NOP56: variants seen among roughly 807,000 people sequenced by gnomAD.
The protein encoded by NOP56 is NOP56 ribonucleoprotein.
A neutral mutation model predicts 58.3 loss-of-function variants in NOP56; 31 were observed. The ratio of observed to expected loss-of-function variants is 0.53; its 90% CI spans 0.40 to 0.72. The LOEUF (loss-of-function observed/expected upper bound fraction) is 0.72, where lower values mean the gene tolerates loss of function less well. Ranked by LOEUF, NOP56 falls within the 30% of genes least tolerant of loss-of-function variation. The pLI, the probability that NOP56 is intolerant of heterozygous loss-of-function variation, is 0.00. For missense variants in NOP56, 669 were observed against 739.9 expected (o/e 0.90, Z 1.11); for synonymous variants, 313 against 282.8 (o/e 1.11, Z -1.07).
At chr20:2,657,596 A>C in intron 11 of NOP56, 1 of 502,990 alleles carries the variant, frequency 2.0e-6, no homozygotes, top group South Asian at 2.3e-5. Flanking sequence ...AGCTACAATC[A>C]TTCTCCCTGA....
chr20:2,654,621 G>T (rs1356086104), intron 4 of NOP56, 46 bp downstream of exon 4: 10 of 1,609,332 alleles, frequency 6.2e-6, no homozygotes, highest in South Asian at 1.1e-5. Flanking sequence ...GACATTTTGG[G>T]GGAGGAGGTT....
chr20:2,657,685 C>T, intron 11 of NOP56: 1 of 524,808 alleles, frequency 1.9e-6, no homozygotes, highest in Non-Finnish European at 3.3e-6. Context: ...TCTGTTGCGA[C>T]CAGCATGGTG....
intron 2 of NOP56, 81 bp from the exon 3 acceptor site, chr20:2,653,198 C>T (rs2086773243): frequency 1.3e-5 from 15 of 1,185,602 alleles, no homozygotes; most frequent in East Asian, 2.3e-5. Context: ...TAAGAGCTTC[C>T]AAGGCTGAGA....
chr20:2,657,918 C>T lies in NOP56; in HGVS notation c.1420-11C>T. ...TGTTCTCACAGCCTGTTCCCCTGTC[C>T]TTCCCTTTAGGAGATGAGTGAAAAA... is the stretch of plus-strand genomic sequence containing the variant. On this transcript the variant is annotated splice_polypyrimidine_tract_variant and intron_variant, in intron 11 of 11. Transcript: ENST00000329276. 1 of 1,568,276 alleles carries T rather than the reference C, an allele frequency of 6.4e-7. No individual in the cohort carries two copies. The highest frequency in any genetic ancestry group is 8.6e-7 in the Non-Finnish European group (1 of 1,158,166).
At chr20:2,654,634 G>A in intron 4 of NOP56, 59 bp downstream of exon 4, 2 of 1,608,330 alleles carry the variant, frequency 1.2e-6, no homozygotes, top group Non-Finnish European at 1.7e-6. Flanking sequence ...AGGAGGTTCT[G>A]GAAACTTGGT....
chr20:2,652,671 G>C lies in NOP56; in HGVS notation c.3+8G>C. 3 of 1,453,996 alleles carry C rather than the reference G, an allele frequency of 2.1e-6. No homozygotes were observed. The highest frequency in any genetic ancestry group is 2.7e-6 in the Non-Finnish European group (3 of 1,111,484). 90.1% of individuals were successfully genotyped at this position (1,453,996 alleles called of 1,614,324 possible). A position where few individuals can be genotyped will look rare whatever the true frequency, so the allele number is the denominator to read the frequency against. ...CCGGGAGCTGGCGCCATGGTGAGGA[G>C]TGGTTGCGGGGCGCGGGCGACGCGA... is the stretch of plus-strand genomic sequence containing the variant. On this transcript the variant is annotated splice_region_variant and intron_variant, in intron 1 of 11. Coordinates refer to ENST00000329276, the MANE Select transcript of NOP56 (RefSeq NM_006392.4).
In NOP56 at chr20:2,654,786, G is replaced by A; in HGVS notation, c.408G>A (p.Leu136=). The A allele has an allele frequency of 6.2e-7, 1 of 1,614,070 alleles. No individual in the cohort carries two copies. Among genetic ancestry groups the A allele is most frequent in the Non-Finnish European group, 8.5e-7 (1 of 1,180,044 alleles). Residue 136 remains leucine (L), a synonymous_variant, in exon 5 of 12, where the codon CTG becomes CTA. Coordinates refer to ENST00000329276, the MANE Select transcript of NOP56 (RefSeq NM_006392.4). ...ACTTCCACAATCTGGTGAAGGGTCT[G>A]ACCGATCTGTCAGCTTGTAAAGCAC... is the stretch of plus-strand genomic sequence containing the variant. ...RLHFHNLVKG[L]TDLSACKAQL...
At chr20:2,657,017 G>A in intron 10 of NOP56, 64 bp from the exon 11 acceptor site, 1 of 1,614,014 alleles carries the variant, frequency 6.2e-7, no homozygotes, top group Non-Finnish European at 8.5e-7. Context: ...ATCCAATAAA[G>A]CCAGAAAGGA....
At chr20:2,654,195 C>T (rs780053160) in intron 3 of NOP56, 3 of 745,884 alleles carry the variant, frequency 4.0e-6, no homozygotes, top group East Asian at 5.1e-5. Context: ...CAGTTGTTCC[C>T]ATGGCTGGGC....
chr20:2,655,612 A>G lies in NOP56; in HGVS notation c.775A>G (p.Ile259Val), dbSNP rs1168137565. The G allele has an allele frequency of 6.2e-7, 1 of 1,614,076 alleles. No homozygotes were observed. Among genetic ancestry groups the G allele is most frequent in the African/African-American group, 1.3e-5 (1 of 74,916 alleles). ...RSSMGMDISA[I>V]DLINIESFSS... ...TTTCCTAGGCATGGACATATCTGCC[A>G]TTGACTTGATAAACATCGAGAGCTT... Residue 259 changes from isoleucine to valine, a missense_variant, in exon 7 of 12, where the codon ATT becomes GTT. Ile to Val is a conservative substitution (Grantham distance 29, BLOSUM62 3). This residue lies in a region of NOP56 where 339 missense variants were observed against 430.5 expected (regional missense o/e 0.79). Transcript: ENST00000329276.
chr20:2,653,869 A>G (rs970622398), intron 3 of NOP56: 9 of 298,398 alleles, frequency 3.0e-5, no homozygotes, highest in Non-Finnish European at 6.0e-5. Flanking sequence ...TGGCCAGGCT[A>G]GTCTCCATCT....
rs781282696 is a variant in NOP56, at chr20:2,656,424, C to T, written c.1034C>T (p.Thr345Ile). 8.1e-6 allele frequency: 13 copies of T among 1,614,026 alleles called. No individual in the cohort carries two copies. Among genetic ancestry groups the T allele is most frequent in the Admixed American group, 1.7e-5 (1 of 60,000 alleles). ...LFRALKTRGN[T>I]PKYGLIFHST... Reference sequence around the variant, plus strand: ...AGAGCCCTGAAGACAAGGGGTAACACTCCAAAATATGGACTCATTTTCCAC... The same window carrying T: ...AGAGCCCTGAAGACAAGGGGTAACATTCCAAAATATGGACTCATTTTCCAC... The change falls in exon 9 of 12, where the codon ACT becomes ATT. Residue 345 changes from threonine (T) to isoleucine (I), a missense_variant. Physicochemically the swap from Thr to Ile is moderately conservative, Grantham distance 89. Transcript: ENST00000329276.
intron 11 of NOP56, 126 bp from the exon 12 acceptor site, chr20:2,657,803 A>G: frequency 1.8e-6 from 2 of 1,082,192 alleles, no homozygotes; most frequent in Non-Finnish European, 2.6e-6. Context: ...TTATACCCAC[A>G]CAATTAAACT....
rs533605872 is a variant in NOP56 at position 2,653,441 on chromosome 20, G to GTATCC, written c.208+50_208+54dup. On this transcript the variant is annotated intron_variant, in intron 3 of 11. Transcript: ENST00000329276. The stretch of plus-strand genomic sequence containing the variant: ...TCACAGAGAGATGTGGTTCCTTTCG[G>GTATCC]TATCCTCTCGGGCAGCTTGTGATAG... 7.9e-4 allele frequency: 1,177 copies of GTATCC among 1,492,414 alleles called. 4 individuals carry two copies. The African/African-American group carries it at 0.015, about 18-fold the overall frequency. 92.4% of individuals were successfully genotyped at this position (1,492,414 alleles called of 1,614,324 possible).
Position 2,656,451 on chromosome 20 carries a change from C to A in NOP56, c.1061C>A (p.Ser354Tyr). ...NTPKYGLIFHSTFIGRAAAKN... is the reference protein window; with the variant it reads ...NTPKYGLIFHYTFIGRAAAKN... ...CCAAAATATGGACTCATTTTCCACTCCACCTTCATTGGCCGAGCAGCTGCC... is the reference window on the plus strand; with the variant it reads ...CCAAAATATGGACTCATTTTCCACTACACCTTCATTGGCCGAGCAGCTGCC... The change falls in exon 9 of 12, where the codon TCC becomes TAC. Residue 354 changes from serine (S) to tyrosine (Y), a missense_variant. Coordinates refer to ENST00000329276, the MANE Select transcript of NOP56 (RefSeq NM_006392.4). 1 of 1,614,196 alleles carries A rather than the reference C, an allele frequency of 6.2e-7. No individual in the cohort carries two copies. The highest frequency in any genetic ancestry group is 8.5e-7 in the Non-Finnish European group (1 of 1,180,024).
rs2086851998 is a variant in NOP56, at chr20:2,658,077, A to G, written c.1568A>G (p.Glu523Gly). 6.2e-7 allele frequency: 1 copy of G among 1,613,988 alleles called. No homozygotes were observed. Among genetic ancestry groups the G allele is most frequent in the Admixed American group, 1.7e-5 (1 of 59,998 alleles). Residue 523 changes from glutamate (E) to glycine (G), a missense_variant, in exon 12 of 12, where the codon GAA (glutamate) becomes GGA (glycine). Transcript: ENST00000329276. Reference sequence around the variant, plus strand: ...GAGGAGTTGATGAGTAGCGATCTTGAAGAGACCGCTGGCAGCACCAGTATT... The same window carrying G: ...GAGGAGTTGATGAGTAGCGATCTTGGAGAGACCGCTGGCAGCACCAGTATT... The part of the protein sequence containing the change: ...SKEELMSSDL[E>G]ETAGSTSIPK...
At chr20:2,653,529 T>A in intron 3 of NOP56, 136 bp downstream of exon 3, 1 of 673,258 alleles carries the variant, frequency 1.5e-6, no homozygotes, top group Admixed American at 2.5e-5. Context: ...AGCCATACAA[T>A]GTGTAATTTG....
chr20:2,654,958 G>A lies in NOP56; in HGVS notation c.569+11G>A. 6.2e-7 allele frequency: 1 copy of A among 1,613,826 alleles called. No individual in the cohort carries two copies. Among genetic ancestry groups the A allele is most frequent in the Admixed American group, 1.7e-5 (1 of 60,022 alleles). ...CTCTATGCGTGTCAGGTAAAGTGCAGGGGCCACCCATAATACTGGAGCCTT... is the reference window on the plus strand; with the variant it reads ...CTCTATGCGTGTCAGGTAAAGTGCAAGGGCCACCCATAATACTGGAGCCTT... On this transcript the variant is annotated intron_variant, in intron 5 of 11. Coordinates refer to ENST00000329276, the MANE Select transcript of NOP56 (RefSeq NM_006392.4).
At position 2,658,123 on chromosome 20, in the gene NOP56, A is replaced by T. The variant is rs1261507230; in HGVS notation, c.1614A>T (p.Thr538=). 14 of 1,613,986 alleles carry T rather than the reference A, an allele frequency of 8.7e-6. No individual in the cohort carries two copies. The highest frequency in any genetic ancestry group is 1.7e-5 in the Admixed American group (1 of 59,988). Residue 538 remains threonine (T), a synonymous_variant, in exon 12 of 12, where the codon ACA becomes ACT. Coordinates refer to ENST00000329276, the MANE Select transcript of NOP56 (RefSeq NM_006392.4). The part of the protein sequence containing the change: ...STSIPKRKKS[T]PKEETVNDPE... ...GTATTCCCAAGAGGAAGAAGTCTAC[A>T]CCCAAGGAGGAAACAGTTAATGACC...
Sources: gnomAD v4.1 joint callset for allele counts on GRCh38, gnomAD v4.1.1 for gene constraint, gnomAD v4.1.1 regional missense constraint, MANE v1.5 for transcripts, NCBI Gene and HGNC (gene_info 2026-07-23, HGNC 2026-07-21) for gene names.